ADRA1A: variants seen among roughly 807,000 people sequenced by gnomAD.
The protein encoded by ADRA1A is adrenoceptor alpha 1A, also known as alpha-1A adrenergic receptor.
ADRA1A carries 31 observed loss-of-function variants against 29.6 expected under a neutral mutation model. The observed-to-expected ratio is 1.05, with a 90% confidence interval of 0.79 to 1.41. ADRA1A has a LOEUF of 1.41. Ranked by LOEUF, ADRA1A falls within the 40% of genes most tolerant of loss-of-function variation. The probability of loss-of-function intolerance (pLI) is 0.00; values close to 1 mark genes in which losing one functional copy is unlikely to be tolerated. For synonymous variants in ADRA1A, 311 were observed against 254.3 expected (o/e 1.22, Z -2.12); for missense variants, 619 against 601.1 (o/e 1.03, Z -0.31).
intron 2 of ADRA1A, among the ~76,000 whole-genome samples, chr8:26,855,217 A>ATG (rs56268237): frequency 3.1e-4 from 41 of 133,234 alleles, no homozygotes; most frequent in Non-Finnish European, 9.4e-5. Context: ...GTGTGCATGC[A>ATG]TGTGTGTGTG....
At chr8:26,785,724 A>T (rs1807323170) in intron 2 of ADRA1A, among the ~76,000 whole-genome samples, 1 of 152,220 alleles carries the variant, frequency 6.6e-6, no homozygotes, top group Admixed American at 6.5e-5. Context: ...ATGCCTCTTC[A>T]TGTAAATGTC....
chr8:26,796,796 T>C lies in ADRA1A; in HGVS notation c.884-26130A>G, dbSNP rs1452424782. ...AGGCACATAGATTTGATACCATGAT[T>C]ATCAGGCAGCCTCTGTAATGTGTGA... On this transcript the variant is annotated intron_variant, in intron 2 of 2. Coordinates refer to ENST00000380573, the MANE Select transcript of ADRA1A (RefSeq NM_000680.4). The surrounding 1 kb of genome is among the most constrained non-coding windows in gnomAD (Gnocchi z 5.0). 6.6e-6 allele frequency among the ~76,000 whole-genome samples: 1 copy of C among 152,126 alleles called. No homozygotes were observed. Among genetic ancestry groups the C allele is most frequent in the African/African-American group, 2.4e-5 (1 of 41,434 alleles).
At chr8:26,810,177 A>C (rs2130533319) in intron 2 of ADRA1A, among the ~76,000 whole-genome samples, 1 of 152,372 alleles carries the variant, frequency 6.6e-6, no homozygotes. Context: ...AATTGTGGTC[A>C]ACACAAGTAC....
rs1336567701 is a variant in ADRA1A, at chr8:26,866,230, C to G, written c.-686-575G>C. On this transcript the variant is annotated intron_variant, in intron 1 of 2. Transcript: ENST00000380573. The surrounding 1 kb of genome is among the most constrained non-coding windows in gnomAD (Gnocchi z 5.7). ...CGCACCGGTCTGTCCACCAGCCAAG[C>G]TGGCTTGAGAGCCAGGTCCCGAGCG... 6.6e-6 allele frequency among the ~76,000 whole-genome samples: 1 copy of G among 152,292 alleles called. No individual in the cohort carries two copies. The highest frequency in any genetic ancestry group is 2.1e-4 in the South Asian group (1 of 4,824).
rs1813247435 is a variant in ADRA1A, at chr8:26,859,006, C to A, written c.883+5081G>T. ...GACTTCTCACAATATACAGGAAGGA[C>A]CTTTGCAGTCAAATAGCCTACTCAC... On this transcript the variant is annotated intron_variant, in intron 2 of 2. Coordinates refer to ENST00000380573, the MANE Select transcript of ADRA1A (RefSeq NM_000680.4). 3.3e-6 allele frequency: 4 copies of A among 1,203,310 alleles called. No individual in the cohort carries two copies. The South Asian group carries it at 4.7e-5, about 14-fold the overall frequency. The allele number at this position is 1,203,310 out of a possible 1,614,324, so 74.5% of individuals were successfully genotyped here.
chr8:26,835,227 C>T (rs1308508436), intron 2 of ADRA1A, among the ~76,000 whole-genome samples: 3 of 152,192 alleles, frequency 2.0e-5, no homozygotes, highest in African/African-American at 7.2e-5. Flanking sequence ...ATCTAAGTAA[C>T]AAGACAATCT....
intron 2 of ADRA1A, among the ~76,000 whole-genome samples, chr8:26,826,288 A>T (rs12547624): frequency 6.6e-6 from 1 of 152,152 alleles, no homozygotes; most frequent in African/African-American, 2.4e-5. Flanking sequence ...ATTCTCCTGC[A>T]GACCAAATTC....
intron 2 of ADRA1A, among the ~76,000 whole-genome samples, chr8:26,780,183 A>G (rs1806855703): frequency 6.6e-6 from 1 of 152,146 alleles, no homozygotes; most frequent in Non-Finnish European, 1.5e-5. Flanking sequence ...CACTTAACAC[A>G]TAATTTACTT....
chr8:26,790,903 G>C (rs1309440819), intron 2 of ADRA1A, among the ~76,000 whole-genome samples: 1 of 152,050 alleles, frequency 6.6e-6, no homozygotes, highest in African/African-American at 2.4e-5. Context: ...TGTCTTTTAA[G>C]ATACAAAATT....
chr8:26,783,508 C>T (rs2055195), intron 2 of ADRA1A, among the ~76,000 whole-genome samples: 85,639 of 152,126 alleles, frequency 0.56, 25,729 homozygotes, highest in East Asian at 0.9. Context: ...AAAACTCTTC[C>T]GAAGGCCAAA....
intron 2 of ADRA1A, among the ~76,000 whole-genome samples, chr8:26,794,359 TAATAGA>T (rs1389222107): frequency 6.6e-6 from 1 of 152,084 alleles, no homozygotes; most frequent in Non-Finnish European, 1.5e-5. Flanking sequence ...CTATCTCTGG[TAATAGA>T]TAGTCTGTGT....
downstream of ADRA1A, among the ~76,000 whole-genome samples, chr8:26,766,987 C>T (rs1266555810): frequency 6.6e-6 from 1 of 152,082 alleles, no homozygotes; most frequent in African/African-American, 2.4e-5. Context: ...TTGGATAAGA[C>T]ATGAGAGAGG....
chr8:26,814,193 A>G (rs1431139064), intron 2 of ADRA1A, among the ~76,000 whole-genome samples: 1 of 69,968 alleles, frequency 1.4e-5, no homozygotes, highest in Non-Finnish European at 3.2e-5. Flanking sequence ...TCCTATGGTG[A>G]AAAAAAAAAA....
chr8:26,828,140 T>C (rs1198679440), intron 2 of ADRA1A, among the ~76,000 whole-genome samples: 2 of 152,192 alleles, frequency 1.3e-5, no homozygotes, highest in Non-Finnish European at 2.9e-5. Flanking sequence ...GCGATCTACC[T>C]ACCTGGGCCT....
chr8:26,772,302 G>T (rs772471453), intron 2 of ADRA1A, among the ~76,000 whole-genome samples: 5 of 152,144 alleles, frequency 3.3e-5, no homozygotes, highest in Non-Finnish European at 7.3e-5. Flanking sequence ...GACTTCCAAG[G>T]GCTTTTGCTA....
rs374406405 is a variant in ADRA1A, at chr8:26,756,898, C to T, written c.1270-119G>A. On this transcript the variant is annotated intron_variant, in intron 2 of 2. Coordinates refer to the ADRA1A transcript ENST00000380582. ...GTAGAGTAAGAATTCTTACTCCAAACCCAATGTGTCCATTTTTCCAAGTTC... is the reference window on the plus strand; with the variant it reads ...GTAGAGTAAGAATTCTTACTCCAAATCCAATGTGTCCATTTTTCCAAGTTC... The T allele has an allele frequency of 9.7e-6, 14 of 1,438,146 alleles. No homozygotes were observed. In the East Asian group the frequency reaches 2.0e-4, roughly 20 times the overall value. The allele number at this position is 1,438,146 out of a possible 1,614,324, so 89.1% of individuals were successfully genotyped here. A position where few individuals can be genotyped will look rare whatever the true frequency, so the allele number is the denominator to read the frequency against.
intron 2 of ADRA1A, among the ~76,000 whole-genome samples, chr8:26,846,712 C>T (rs561727615): frequency 6.6e-6 from 1 of 152,308 alleles, no homozygotes; most frequent in East Asian, 1.9e-4. Context: ...GCAGAGGTTG[C>T]AGTGAGCCGC....
chr8:26,754,732 AT>A (rs1384310241), downstream of ADRA1A, among the ~76,000 whole-genome samples: 5 of 152,152 alleles, frequency 3.3e-5, no homozygotes, highest in African/African-American at 1.2e-4. Context: ...GAACCTCCAG[AT>A]TTGTTTTCCT....
exon 3 of ADRA1A, chr8:26,748,606 G>T: frequency 2.4e-6 from 1 of 422,906 alleles, no homozygotes; most frequent in Admixed American, 2.6e-5. Flanking sequence ...GGGCCTGGTG[G>T]CGTCGGCCTG....
Sources: gnomAD v4.1 joint callset for allele counts (sites outside exome capture counted in the v4.1 genomes callset) on GRCh38, gnomAD v4.1.1 for gene constraint, Gnocchi (gnomAD v3.1) non-coding constraint, MANE v1.5 for transcripts, NCBI Gene and HGNC (gene_info 2026-07-23, HGNC 2026-07-21) for gene names.